The following CELF2 variants were observed in gnomAD, a reference collection of about 807,000 sequenced individuals.
CELF2 encodes the protein CUGBP Elav-like family member 2, also known as CUG triplet repeat RNA-binding protein 2.
In CELF2, 8 loss-of-function variants were observed where a neutral mutation model predicts 62.6. The ratio of observed to expected loss-of-function variants is 0.13; its 90% confidence interval spans 0.07 to 0.23. CELF2 has a LOEUF of 0.23. CELF2 is among the 10% of genes least tolerant of loss of function. CELF2 has a pLI of 1.00. For missense variants in CELF2, 333 were observed against 671.0 expected (o/e 0.50, Z 5.56); for synonymous variants, 258 against 250.0 (o/e 1.03, Z -0.30).
At chr10:11,019,539 T>C (rs557715838) in intron 1 of CELF2, among the ~76,000 whole-genome samples, 7 of 152,240 alleles carry the variant, frequency 4.6e-5, no homozygotes, top group Non-Finnish European at 1.0e-4. Flanking sequence ...AGTTAAGAGA[T>C]TCTTGAGAAA....
At chr10:10,827,567 A>C (rs1264433136) in intron 1 of CELF2, among the ~76,000 whole-genome samples, 1 of 152,196 alleles carries the variant, frequency 6.6e-6, no homozygotes, top group Non-Finnish European at 1.5e-5. Context: ...GGATGACCTA[A>C]AGTAGACTGA....
intron 8 of CELF2, among the ~76,000 whole-genome samples, chr10:11,277,125 C>T (rs187966695): frequency 2.0e-4 from 30 of 152,148 alleles, no homozygotes; most frequent in Non-Finnish European, 2.6e-4. Flanking sequence ...GTGAAGGATA[C>T]CTTGCATTTA....
the CELF2 span, among the ~76,000 whole-genome samples, chr10:10,589,050 G>T: frequency 6.6e-6 from 1 of 152,206 alleles, no homozygotes; most frequent in African/African-American, 2.4e-5. Flanking sequence ...TGCCCAAGGT[G>T]CTCAGGCTAC....
chr10:10,836,426 T>C (rs2132384809), intron 1 of CELF2, among the ~76,000 whole-genome samples: 1 of 152,274 alleles, frequency 6.6e-6, no homozygotes, highest in East Asian at 1.9e-4. Context: ...AAACTACAAG[T>C]GTGTCTATTC....
intron 1 of CELF2, among the ~76,000 whole-genome samples, chr10:11,161,432 A>G (rs2065705052): frequency 6.6e-6 from 1 of 152,194 alleles, no homozygotes; most frequent in Admixed American, 6.5e-5. Flanking sequence ...CCACCTGGAG[A>G]AACCCAACTC....
rs180880806 is a variant in CELF2 at position 11,180,932 on chromosome 10, C to T, written c.271+15250C>T. ...TTGCCCAGGCTGGAGTGCAATGACGCGATCTCGGCTCACTGCAAGTTCTGC... is the reference window on the plus strand; with the variant it reads ...TTGCCCAGGCTGGAGTGCAATGACGTGATCTCGGCTCACTGCAAGTTCTGC... On this transcript the variant is annotated intron_variant, in intron 2 of 12. Coordinates refer to ENST00000633077, the MANE Select transcript of CELF2 (RefSeq NM_001326342.2). Among the ~76,000 whole-genome samples, 846 of 152,266 alleles carry T rather than the reference C, an allele frequency of 5.6e-3. 5 individuals are homozygous for T. The highest frequency in any genetic ancestry group is 9.1e-3 in the Non-Finnish European group (618 of 68,016).
intron 6 of CELF2, 79 bp downstream of exon 6, chr10:11,266,756 T>G: frequency 8.8e-7 from 1 of 1,137,324 alleles, no homozygotes; most frequent in Non-Finnish European, 1.3e-6. Flanking sequence ...CCTGTGTGGA[T>G]TGTTCACATG....
intron 2 of CELF2, among the ~76,000 whole-genome samples, chr10:10,984,989 C>T (rs948415611): frequency 1.3e-5 from 2 of 152,028 alleles, no homozygotes; most frequent in East Asian, 1.9e-4. Flanking sequence ...ATTCTATTGA[C>T]GAATGTTTCA....
At chr10:10,832,418 C>T (rs1264054937) in intron 1 of CELF2, among the ~76,000 whole-genome samples, 2 of 152,154 alleles carry the variant, frequency 1.3e-5, no homozygotes, top group Non-Finnish European at 2.9e-5. Context: ...CCAAAGATCC[C>T]AGATATAGAG....
At chr10:10,472,413 T>A in the CELF2 span, among the ~76,000 whole-genome samples, 1 of 151,934 alleles carries the variant, frequency 6.6e-6, no homozygotes, top group African/African-American at 2.4e-5. Flanking sequence ...TTTTTAGTTC[T>A]CAAATTTATA....
chr10:10,586,011 T>C, the CELF2 span, among the ~76,000 whole-genome samples: 2 of 152,216 alleles, frequency 1.3e-5, no homozygotes, highest in Non-Finnish European at 2.9e-5. Flanking sequence ...TTCATAAATA[T>C]TAATCTGGAG....
the CELF2 span, among the ~76,000 whole-genome samples, chr10:10,574,091 T>A: frequency 6.6e-6 from 1 of 152,214 alleles, no homozygotes; most frequent in African/African-American, 2.4e-5. Context: ...ATGGCCTGAA[T>A]ACAAATTTGG....
chr10:11,309,766 G>A lies in CELF2; in HGVS notation c.977-4373G>A, dbSNP rs960596248. ...GCTAAGCTTTCAGCTGGTCTACTTT[G>A]CCATCATGGAGCTACTGCCTACTCT... On this transcript the variant is annotated intron_variant, in intron 9 of 12. Transcript: ENST00000633077. This position sits in a 1 kb window ranked among gnomAD's most constrained non-coding sequence, Gnocchi z 5.6. 6.6e-6 allele frequency among the ~76,000 whole-genome samples: 1 copy of A among 152,150 alleles called. No homozygotes were observed. Among genetic ancestry groups the A allele is most frequent in the Non-Finnish European group, 1.5e-5 (1 of 68,026 alleles).
the CELF2 span, among the ~76,000 whole-genome samples, chr10:10,538,661 A>T: frequency 6.6e-6 from 1 of 152,212 alleles, no homozygotes; most frequent in Non-Finnish European, 1.5e-5. Flanking sequence ...ATACTACAGA[A>T]TATGAGATGG....
chr10:10,746,401 C>G, the CELF2 span, among the ~76,000 whole-genome samples: 22 of 152,222 alleles, frequency 1.4e-4, no homozygotes, highest in Non-Finnish European at 3.1e-4. Flanking sequence ...TGCTGTCAGC[C>G]TCTTGGAGAG....
the CELF2 span, among the ~76,000 whole-genome samples, chr10:10,688,501 C>T: frequency 6.6e-6 from 1 of 152,170 alleles, no homozygotes; most frequent in Non-Finnish European, 1.5e-5. Context: ...CATTGTGCCA[C>T]AACAGAGTAA....
intron 2 of CELF2, among the ~76,000 whole-genome samples, chr10:10,954,229 ATTATTATT>A (rs1477157802): frequency 1.5e-5 from 2 of 136,958 alleles, no homozygotes; most frequent in East Asian, 4.0e-4. Flanking sequence ...TATTATTATT[ATTATTATT>A]ATTATTATTA....
intron 1 of CELF2, among the ~76,000 whole-genome samples, chr10:10,908,873 C>T (rs1179517464): frequency 6.6e-6 from 1 of 152,154 alleles, no homozygotes; most frequent in Non-Finnish European, 1.5e-5. Flanking sequence ...CTTCACCTTC[C>T]ACCTCCCAGA....
At chr10:10,736,396 C>CTTTCT in the CELF2 span, among the ~76,000 whole-genome samples, 2,338 of 75,826 alleles carry the variant, frequency 0.031, 72 homozygotes, top group African/African-American at 0.082. Flanking sequence ...TTCTTTCTTT[C>CTTTCT]TTTTTTTTTT....
Sources: allele counts gnomAD v4.1 joint callset (sites outside exome capture counted in the v4.1 genomes callset), GRCh38; gene constraint gnomAD v4.1.1; non-coding constraint Gnocchi (gnomAD v3.1); transcripts MANE v1.5; gene names NCBI Gene and HGNC (gene_info 2026-07-23, HGNC 2026-07-21).